The following ZNF587 variants were observed in gnomAD, a reference collection of about 807,000 sequenced individuals.
The protein encoded by ZNF587 is zinc finger protein 587.
ZNF587 carries 8 observed loss-of-function variants against 7.5 expected under a neutral mutation model. The ratio of observed to expected loss-of-function variants is 1.06; its 90% CI spans 0.62 to 1.92. The LOEUF is 1.92. ZNF587 is among the 40% of genes most tolerant of loss of function. ZNF587 has a pLI of 0.00. For missense variants in ZNF587, 468 were observed against 692.8 expected (o/e 0.68, Z 3.64); for synonymous variants, 145 against 237.8 (o/e 0.61, Z 3.59).
chr19:57,857,597 T>C (rs2071376393), intron 2 of ZNF587, among the ~76,000 whole-genome samples: 1 of 150,804 alleles, frequency 6.6e-6, no homozygotes, highest in Non-Finnish European at 1.5e-5. Flanking sequence ...TATAGATGTA[T>C]ATATATGTGT....
chr19:57,852,686 C>T (rs914841505), intron 1 of ZNF587, among the ~76,000 whole-genome samples: 2 of 151,862 alleles, frequency 1.3e-5, no homozygotes, highest in Non-Finnish European at 2.9e-5. Context: ...CACCATCATG[C>T]CCAGCTAATT....
chr19:57,856,467 G>A (rs1253777599), intron 2 of ZNF587, among the ~76,000 whole-genome samples: 1 of 151,364 alleles, frequency 6.6e-6, no homozygotes, highest in Non-Finnish European at 1.5e-5. Flanking sequence ...GAGTACAGCG[G>A]CGCCATCTCG....
Position 57,861,917 on chromosome 19 carries a change from G to A in ZNF587, c.*1777G>A, listed in dbSNP as rs988735365. The A allele has an allele frequency of 1.3e-5, 2 of 151,936 alleles. No homozygotes were observed. The highest frequency in any genetic ancestry group is 1.3e-4 in the Admixed American group (2 of 15,214). 9.4% of individuals were successfully genotyped at this position (151,936 alleles called of 1,614,324 possible). A position where few individuals can be genotyped will look rare whatever the true frequency, so the allele number is the denominator to read the frequency against. ...CCTGAGTAGCTGGGACTACAGGCAT[G>A]TGCCATTATACCTGGCTAATTTTAT... On this transcript the variant is annotated 3_prime_UTR_variant, in exon 3 of 3. Coordinates refer to ENST00000339656, the MANE Select transcript of ZNF587 (RefSeq NM_032828.4).
intron 2 of ZNF587, 94 bp from the exon 3 acceptor site, chr19:57,858,482 G>C: frequency 6.6e-7 from 1 of 1,519,948 alleles, no homozygotes; most frequent in Non-Finnish European, 8.8e-7. Flanking sequence ...TATTTCTATA[G>C]ATTAATTCCT....
At position 57,861,242 on chromosome 19, in the gene ZNF587, C is replaced by CCATCAGTGTCCAAGAATTTCTGTTG. The variant is rs1568510255; in HGVS notation, c.*1102_*1103insCATCAGTGTCCAAGAATTTCTGTTG. ...CCATCAGTGTCCAAGAATTTCTGTT[C>CCATCAGTGTCCAAGAATTTCTGTTG]TATCTTACCAAGAGGGAGTATGGTT... On this transcript the variant is annotated 3_prime_UTR_variant, in exon 3 of 3. Transcript: ENST00000339656. 6.6e-6 allele frequency: 1 copy of CCATCAGTGTCCAAGAATTTCTGTTG among 152,050 alleles called. No individual in the cohort carries two copies. Among genetic ancestry groups the CCATCAGTGTCCAAGAATTTCTGTTG allele is most frequent in the East Asian group, 1.9e-4 (1 of 5,188 alleles). The allele number at this position is 152,050 out of a possible 1,614,324, so 9.4% of individuals were successfully genotyped here.
intron 1 of ZNF587, chr19:57,850,802 G>C (rs375435246): frequency 2.7e-6 from 1 of 376,938 alleles, no homozygotes; most frequent in Non-Finnish European, 4.7e-6. Flanking sequence ...GGGAGGAAGC[G>C]ATCAGGAAAA....
In ZNF587 at chr19:57,856,085, T is replaced by C; in HGVS notation, c.34-19T>C. On this transcript the variant is annotated intron_variant, in intron 1 of 2. Coordinates refer to ENST00000339656, the MANE Select transcript of ZNF587 (RefSeq NM_032828.4). ...CTCAGCAGAGGGGCTGCTTGTGGTTTCATCTGTCACTATCATAGCAGGGCA... is the reference window on the plus strand; with the variant it reads ...CTCAGCAGAGGGGCTGCTTGTGGTTCCATCTGTCACTATCATAGCAGGGCA... 6.2e-7 allele frequency: 1 copy of C among 1,612,676 alleles called. No homozygotes were observed. Among genetic ancestry groups the C allele is most frequent in the Non-Finnish European group, 8.5e-7 (1 of 1,179,482 alleles).
chr19:57,855,945 C>T, intron 1 of ZNF587, 159 bp from the exon 2 acceptor site: 1 of 1,281,172 alleles, frequency 7.8e-7, no homozygotes. Flanking sequence ...TGGCATTTGA[C>T]CAGCAGGCCC....
At chr19:57,856,352 C>G (rs2071355774) in intron 2 of ZNF587, 119 bp downstream of exon 2, 9 of 1,471,908 alleles carry the variant, frequency 6.1e-6, no homozygotes, top group Non-Finnish European at 8.1e-6. Flanking sequence ...CTGCACTTCT[C>G]TGTGTAAGTT....
At position 57,865,015 on chromosome 19, in the gene ZNF587, G is replaced by C. The variant is rs2071490923; in HGVS notation, c.*4875G>C. The C allele has an allele frequency of 1.3e-5, 2 of 152,292 alleles. No homozygotes were observed. The highest frequency in any genetic ancestry group is 1.3e-4 in the Admixed American group (2 of 15,302). The allele number at this position is 152,292 out of a possible 1,614,324, so 9.4% of individuals were successfully genotyped here. On this transcript the variant is annotated 3_prime_UTR_variant, in exon 3 of 3. Coordinates refer to ENST00000339656, the MANE Select transcript of ZNF587 (RefSeq NM_032828.4). ...GTACTAAGCAATTTTAGTCTCTGCA[G>C]TCTCTTGTCTTGAATTAATACAACT...
At chr19:57,854,306 T>G (rs1445545424) in intron 1 of ZNF587, among the ~76,000 whole-genome samples, 1 of 151,742 alleles carries the variant, frequency 6.6e-6, no homozygotes, top group African/African-American at 2.4e-5. Flanking sequence ...TCTGAAGCCA[T>G]ATGTGGTTCT....
chr19:57,861,734 T>C lies in ZNF587; in HGVS notation c.*1594T>C, dbSNP rs1012247034. The C allele has an allele frequency of 7.9e-5, 12 of 151,926 alleles. No individual in the cohort carries two copies. Among genetic ancestry groups the C allele is most frequent in the African/African-American group, 2.9e-4 (12 of 41,268 alleles). The allele number at this position is 151,926 out of a possible 1,614,324, so 9.4% of individuals were successfully genotyped here. A position where few individuals can be genotyped will look rare whatever the true frequency, so the allele number is the denominator to read the frequency against. The stretch of plus-strand genomic sequence containing the variant: ...GACGTATGTTGGACTTCATTCATTC[T>C]TCAGTGATGTCACTTTGCTGCAAGG... On this transcript the variant is annotated 3_prime_UTR_variant, in exon 3 of 3. Coordinates refer to ENST00000339656, the MANE Select transcript of ZNF587 (RefSeq NM_032828.4).
At chr19:57,850,146 C>T in intron 1 of ZNF587, 75 bp downstream of exon 1, 1 of 1,613,408 alleles carries the variant, frequency 6.2e-7, no homozygotes, top group Non-Finnish European at 8.5e-7. Flanking sequence ...GGAGCGGCTC[C>T]TGCTCGTGGG....
intron 1 of ZNF587, 93 bp from the exon 2 acceptor site, chr19:57,856,011 G>C: frequency 6.4e-7 from 1 of 1,565,204 alleles, no homozygotes; most frequent in Admixed American, 2.0e-5. Context: ...GGGGACCTTG[G>C]GAGGAGGATG....
At chr19:57,858,516 G>A (rs2071394510) in intron 2 of ZNF587, 60 bp from the exon 3 acceptor site, 5 of 1,554,860 alleles carry the variant, frequency 3.2e-6, no homozygotes, top group African/African-American at 1.4e-5. Context: ...GTACTTGTGG[G>A]TGGGCTGTGC....
At chr19:57,858,512 G>A in intron 2 of ZNF587, 64 bp from the exon 3 acceptor site, 5 of 1,550,204 alleles carry the variant, frequency 3.2e-6, no homozygotes, top group Middle Eastern at 3.5e-4. Context: ...AGACGTACTT[G>A]TGGGTGGGCT....
chr19:57,855,565 GT>G (rs750033909), intron 1 of ZNF587, among the ~76,000 whole-genome samples: 1,716 of 137,280 alleles, frequency 0.013, 31 homozygotes, highest in African/African-American at 0.042. Context: ...GGCTTTTTTT[GT>G]TTTTTTTTTT....
chr19:57,856,363 G>T, intron 2 of ZNF587, 130 bp downstream of exon 2: 1 of 1,440,240 alleles, frequency 6.9e-7, no homozygotes, highest in Non-Finnish European at 9.2e-7. Flanking sequence ...TGTGTAAGTT[G>T]TGTGGTTCGT....
intron 2 of ZNF587, 93 bp downstream of exon 2, chr19:57,856,326 T>G: frequency 6.6e-7 from 1 of 1,512,236 alleles, no homozygotes; most frequent in South Asian, 1.4e-5. Context: ...CTAAGGAGCC[T>G]GGACACAGGT....
Sources: gnomAD v4.1 joint callset for allele counts (sites outside exome capture counted in the v4.1 genomes callset) on GRCh38, gnomAD v4.1.1 for gene constraint, MANE v1.5 for transcripts, NCBI Gene and HGNC (gene_info 2026-07-23, HGNC 2026-07-21) for gene names.